Variants in CASZ1 observed in about 807,000 individuals in gnomAD.
The protein encoded by CASZ1 is zinc finger protein castor homolog 1.
Under a neutral mutation model 135.2 loss-of-function variants are expected in CASZ1, and 28 were observed. The observed-to-expected ratio is 0.21, with a 90% CI of 0.15 to 0.28. The LOEUF (loss-of-function observed/expected upper bound fraction) is 0.28. Among genes scored for constraint, CASZ1 ranks in the 10% least tolerant of loss-of-function variants. The pLI, the probability that CASZ1 is intolerant of heterozygous loss-of-function variation, is 1.00. For missense variants in CASZ1, 2,161 were observed against 2,453.3 expected (o/e 0.88, Z 2.52); for synonymous variants, 1,068 against 1,073.4 (o/e 0.99, Z 0.10).
intron 4 of CASZ1, among the ~76,000 whole-genome samples, chr1:10,675,335 A>C (rs983608712): frequency 6.6e-6 from 1 of 152,084 alleles, no homozygotes; most frequent in Non-Finnish European, 1.5e-5. Context: ...GCCAGGGTCG[A>C]GCCAGGGAGT....
intron 4 of CASZ1, among the ~76,000 whole-genome samples, chr1:10,680,355 C>T (rs1163512277): frequency 6.6e-6 from 1 of 152,056 alleles, no homozygotes; most frequent in African/African-American, 2.4e-5. Flanking sequence ...ACCCCCAGGG[C>T]CTGTCTTCTG....
chr1:10,638,240 G>C lies in CASZ1; in HGVS notation c.*702C>G, dbSNP rs988642192. 2 of 152,372 alleles carry C rather than the reference G, an allele frequency of 1.3e-5. No individual in the cohort carries two copies. The highest frequency in any genetic ancestry group is 4.8e-5 in the African/African-American group (2 of 41,462). The allele number at this position is 152,372 out of a possible 1,614,324, so 9.4% of individuals were successfully genotyped here. A position where few individuals can be genotyped will look rare whatever the true frequency, so the allele number is the denominator to read the frequency against. On this transcript the variant is annotated 3_prime_UTR_variant, in exon 21 of 21. Coordinates refer to ENST00000377022, the MANE Select transcript of CASZ1 (RefSeq NM_001079843.3). This position sits in a 1 kb window ranked among gnomAD's most constrained non-coding sequence, Gnocchi z 5.9. ...TCCTTCCTGTTTGCACCACCAGGGT[G>C]GCCGAGACCCCGCCCCGGCCCCCAG... is the stretch of plus-strand genomic sequence containing the variant.
At chr1:10,686,410 G>T (rs1259001117) in intron 4 of CASZ1, among the ~76,000 whole-genome samples, 1 of 152,224 alleles carries the variant, frequency 6.6e-6, no homozygotes, top group Non-Finnish European at 1.5e-5. Context: ...GCAGCCCTGG[G>T]GGGGCTTGTA....
Position 10,727,688 on chromosome 1 carries a change from G to T in CASZ1, c.-76-22144C>A, listed in dbSNP as rs1212968077. Among the ~76,000 whole-genome samples the T allele has an allele frequency of 1.3e-5, 2 of 152,164 alleles. No homozygotes were observed. Among genetic ancestry groups the T allele is most frequent in the Non-Finnish European group, 2.9e-5 (2 of 68,020 alleles). ...GAAGAAAAAGTGTCTGCACCCTAGG[G>T]TTCAGGGTGCTAGGAAGCAAAAGTG... On this transcript the variant is annotated intron_variant, in intron 2 of 20. Transcript: ENST00000377022. The surrounding 1 kb of genome is among the most constrained non-coding windows in gnomAD (Gnocchi z 5.3).
intron 5 of CASZ1, among the ~76,000 whole-genome samples, chr1:10,664,829 C>G (rs1643174582): frequency 6.6e-6 from 1 of 151,602 alleles, no homozygotes; most frequent in Non-Finnish European, 1.5e-5. Context: ...CCTCCCTCCC[C>G]ACCTGTCCAC....
At chr1:10,689,525 C>T (rs756317077) in intron 4 of CASZ1, among the ~76,000 whole-genome samples, 2 of 152,092 alleles carry the variant, frequency 1.3e-5, no homozygotes, top group Non-Finnish European at 2.9e-5. Context: ...CTGGTCCCTA[C>T]CAGGGAAAAA....
intron 2 of CASZ1, among the ~76,000 whole-genome samples, chr1:10,728,976 C>G (rs541571057): frequency 2.5e-4 from 38 of 152,298 alleles, no homozygotes; most frequent in East Asian, 2.1e-3. Context: ...CCTTCCCCCC[C>G]CACTCTCCGG....
chr1:10,781,179 G>T lies in CASZ1; in HGVS notation c.-234+15385C>A, dbSNP rs565882604. 7.2e-5 allele frequency among the ~76,000 whole-genome samples: 11 copies of T among 152,332 alleles called. No homozygotes were observed. The East Asian group carries it at 2.1e-3, about 29-fold the overall frequency. The stretch of plus-strand genomic sequence containing the variant: ...CTGGAGGGCGAGGAGGGGGCTCTGG[G>T]AGGAGAGAAGCTCCTCCTTCGACCT... On this transcript the variant is annotated intron_variant, in intron 1 of 20. Coordinates refer to ENST00000377022, the MANE Select transcript of CASZ1 (RefSeq NM_001079843.3).
intron 4 of CASZ1, among the ~76,000 whole-genome samples, chr1:10,671,633 C>G (rs1643402349): frequency 6.6e-6 from 1 of 152,202 alleles, no homozygotes; most frequent in African/African-American, 2.4e-5. Context: ...AGGGCCCAAG[C>G]TTTTCCCTTT....
Position 10,647,151 on chromosome 1 carries a change from TC to T in CASZ1, c.3497+649del. ...GGACGGAGAACAGTGCTGGGCCCCTTCCATGCTGTGGGCCCAGCCCCAGTTG... is the reference window on the plus strand; with the variant it reads ...GGACGGAGAACAGTGCTGGGCCCCTTCATGCTGTGGGCCCAGCCCCAGTTG... On this transcript the variant is annotated intron_variant, in intron 16 of 20. Transcript: ENST00000377022. The surrounding 1 kb of genome is among the most constrained non-coding windows in gnomAD (Gnocchi z 4.9). 1 of 781,154 alleles carries T rather than the reference TC, an allele frequency of 1.3e-6. No homozygotes were observed. The highest frequency in any genetic ancestry group is 1.6e-6 in the Non-Finnish European group (1 of 642,696). 48.4% of individuals were successfully genotyped at this position (781,154 alleles called of 1,614,324 possible). A position where few individuals can be genotyped will look rare whatever the true frequency, so the allele number is the denominator to read the frequency against.
Position 10,778,155 on chromosome 1 carries a change from T to C in CASZ1, c.-233-17298A>G, listed in dbSNP as rs1640694971. On this transcript the variant is annotated intron_variant, in intron 1 of 20. Coordinates refer to ENST00000377022, the MANE Select transcript of CASZ1 (RefSeq NM_001079843.3). ...CTCAAACACAAGCACAATCTCATAC[T>C]CCATCTCACACTATCTCACAATCTC... Among the ~76,000 whole-genome samples, 3 of 150,420 alleles carry C rather than the reference T, an allele frequency of 2.0e-5. No homozygotes were observed. In the South Asian group the frequency reaches 6.3e-4, roughly 32 times the overall value.
chr1:10,689,141 G>A (rs979021557), intron 4 of CASZ1, among the ~76,000 whole-genome samples: 2 of 152,040 alleles, frequency 1.3e-5, no homozygotes, highest in Admixed American at 6.5e-5. Context: ...CTGGAAAAGT[G>A]TTGGGCCAGC....
chr1:10,766,964 A>G (rs1640488480), intron 1 of CASZ1, among the ~76,000 whole-genome samples: 1 of 152,142 alleles, frequency 6.6e-6, no homozygotes, highest in Non-Finnish European at 1.5e-5. Context: ...GGTGGGGAGA[A>G]AGCGAGGGAG....
chr1:10,729,086 GGGGAAGGGGAGTGGGGAGGAGA>G (rs1334373367), intron 2 of CASZ1, among the ~76,000 whole-genome samples: 1 of 152,096 alleles, frequency 6.6e-6, no homozygotes, highest in East Asian at 1.9e-4. Flanking sequence ...GAGGCAGCTG[GGGGAAGGGGAGTGGGGAGGAGA>G]GGGAAGGGGT....
chr1:10,718,260 C>T (rs971726052), intron 2 of CASZ1, among the ~76,000 whole-genome samples: 1 of 152,252 alleles, frequency 6.6e-6, no homozygotes, highest in Admixed American at 6.5e-5. Context: ...ACAAGACAGG[C>T]CTTCCTGTGT....
intron 2 of CASZ1, among the ~76,000 whole-genome samples, chr1:10,731,152 C>T (rs1294609764): frequency 3.3e-5 from 5 of 152,080 alleles, no homozygotes; most frequent in Non-Finnish European, 7.4e-5. Flanking sequence ...TGAAGACCTG[C>T]ATTCCTCAGT....
At position 10,642,880 on chromosome 1, in the gene CASZ1, C is replaced by T; in HGVS notation, c.4141G>A (p.Gly1381Ser). ...TCACCTGCCGCGGTGCTCTCGTTACCCACGGGGGTGCTGGAGCAGCTCCGG... is the reference window on the plus strand; with the variant it reads ...TCACCTGCCGCGGTGCTCTCGTTACTCACGGGGGTGCTGGAGCAGCTCCGG... ...MDRSCSSTPV[G>S]NESTAAGNTI... Residue 1381 changes from glycine to serine, a missense_variant, in exon 20 of 21, where the codon GGT becomes AGT. Around this residue, in one of 7 missense-constraint regions of CASZ1, gnomAD observed 143 missense variants for 128.3 expected, o/e 1.11. Coordinates refer to ENST00000377022, the MANE Select transcript of CASZ1 (RefSeq NM_001079843.3). 6.2e-7 allele frequency: 1 copy of T among 1,612,938 alleles called. No homozygotes were observed. The highest frequency in any genetic ancestry group is 8.5e-7 in the Non-Finnish European group (1 of 1,179,914).
intron 2 of CASZ1, among the ~76,000 whole-genome samples, chr1:10,736,442 C>G (rs530213506): frequency 7.9e-5 from 12 of 152,312 alleles, no homozygotes; most frequent in Non-Finnish European, 1.6e-4. Context: ...GTTCTGATCC[C>G]GTGAGTCTGG....
rs1022013184 is a variant in CASZ1, at chr1:10,773,287, C to A, written c.-233-12430G>T. Among the ~76,000 whole-genome samples the A allele has an allele frequency of 5.3e-5, 8 of 152,250 alleles. No homozygotes were observed. In the East Asian group the frequency reaches 9.7e-4, roughly 18 times the overall value. Reference sequence around the variant, plus strand: ...CCTTATCCCAGCTGTCTGGTAAACACCCTGAACCATCCCCACACTCCGTTA... The same window carrying A: ...CCTTATCCCAGCTGTCTGGTAAACAACCTGAACCATCCCCACACTCCGTTA... On this transcript the variant is annotated intron_variant, in intron 1 of 20. Transcript: ENST00000377022.
Sources: allele counts gnomAD v4.1 joint callset (sites outside exome capture counted in the v4.1 genomes callset), GRCh38; gene constraint gnomAD v4.1.1; regional missense constraint gnomAD v4.1.1; non-coding constraint Gnocchi (gnomAD v3.1); transcripts MANE v1.5; gene names NCBI Gene and HGNC (gene_info 2026-07-23, HGNC 2026-07-21).